Variants in PALM2AKAP2 observed in about 807,000 individuals in gnomAD.
PALM2AKAP2 encodes PALM2-AKAP2 fusion protein.
Under a neutral mutation model 71.5 loss-of-function variants are expected in PALM2AKAP2, and 37 were observed. That is an observed-to-expected ratio of 0.52 (90% confidence interval 0.40 to 0.68). The LOEUF (loss-of-function observed/expected upper bound fraction) is 0.68. PALM2AKAP2 is among the 30% of genes least tolerant of loss of function. The pLI is 0.00. For synonymous variants in PALM2AKAP2, 468 were observed against 478.8 expected (o/e 0.98, Z 0.29); for missense variants, 1,224 against 1,191.8 (o/e 1.03, Z -0.40).
chr9:109,791,027 C>T (rs1827098835), intron 1 of PALM2AKAP2, among the ~76,000 whole-genome samples: 1 of 152,172 alleles, frequency 6.6e-6, no homozygotes, highest in African/African-American at 2.4e-5. Context: ...TCAAATAAAA[C>T]TCACCACAAA....
chr9:109,883,198 A>G (rs967822779), intron 3 of PALM2AKAP2, among the ~76,000 whole-genome samples: 1 of 152,188 alleles, frequency 6.6e-6, no homozygotes, highest in Non-Finnish European at 1.5e-5. Flanking sequence ...GATTATACTC[A>G]AAGAAAAGTT....
chr9:110,048,675 G>A (rs1434746995), upstream of PALM2AKAP2: 2 of 1,508,922 alleles, frequency 1.3e-6, no homozygotes, highest in Admixed American at 2.1e-5. Flanking sequence ...CCTCCAGCGC[G>A]CCCGGAGGCT....
At chr9:109,769,059 GT>G (rs1317702914) in intron 1 of PALM2AKAP2, among the ~76,000 whole-genome samples, 1 of 152,072 alleles carries the variant, frequency 6.6e-6, no homozygotes, top group Non-Finnish European at 1.5e-5. Flanking sequence ...AAACTTTCAA[GT>G]TTTTACTTGC....
chr9:110,134,630 T>TC (rs1406829947), intron 1 of PALM2AKAP2, among the ~76,000 whole-genome samples: 1 of 152,188 alleles, frequency 6.6e-6, no homozygotes, highest in Non-Finnish European at 1.5e-5. Flanking sequence ...CAGTGTTTTC[T>TC]TAGGTCTCAA....
chr9:109,755,283 T>C (rs1040096495), intron 1 of PALM2AKAP2, among the ~76,000 whole-genome samples: 4 of 152,122 alleles, frequency 2.6e-5, no homozygotes, highest in Admixed American at 6.6e-5. Context: ...CAAGGCTCTT[T>C]ATAACTGGTC....
chr9:109,862,491 G>T (rs1829339220), intron 1 of PALM2AKAP2, among the ~76,000 whole-genome samples: 1 of 148,040 alleles, frequency 6.8e-6, no homozygotes, highest in Non-Finnish European at 1.5e-5. Context: ...AATCCTAGTG[G>T]TATGTTTTTT....
intron 3 of PALM2AKAP2, among the ~76,000 whole-genome samples, chr9:110,165,752 C>T (rs1315965492): frequency 2.0e-5 from 3 of 152,136 alleles, no homozygotes; most frequent in African/African-American, 7.2e-5. Flanking sequence ...TCACTAAACT[C>T]CATGAGGGAA....
intron 6 of PALM2AKAP2, among the ~76,000 whole-genome samples, chr9:109,975,529 A>G (rs1278570015): frequency 6.6e-6 from 1 of 152,224 alleles, no homozygotes; most frequent in East Asian, 1.9e-4. Context: ...ATGTTTTACC[A>G]TCTATCTAGC....
At chr9:109,669,465 G>A (rs1182197582) in intron 1 of PALM2AKAP2, among the ~76,000 whole-genome samples, 3 of 151,914 alleles carry the variant, frequency 2.0e-5, no homozygotes, top group Non-Finnish European at 2.9e-5. Context: ...CATAAAACTA[G>A]CTGGAATGGG....
intron 1 of PALM2AKAP2, among the ~76,000 whole-genome samples, chr9:110,107,248 G>T (rs1835140428): frequency 6.6e-6 from 1 of 152,174 alleles, no homozygotes; most frequent in Non-Finnish European, 1.5e-5. Context: ...GGCACTGAAT[G>T]TTCCCCACAC....
chr9:109,969,350 G>T (rs771015975), intron 6 of PALM2AKAP2, among the ~76,000 whole-genome samples: 4 of 152,184 alleles, frequency 2.6e-5, no homozygotes, highest in African/African-American at 9.7e-5. Flanking sequence ...CTCCCGCTCT[G>T]TCCTAACCTT....
chr9:109,684,684 C>G (rs1041587183), intron 1 of PALM2AKAP2, among the ~76,000 whole-genome samples: 2 of 152,170 alleles, frequency 1.3e-5, no homozygotes, highest in Non-Finnish European at 2.9e-5. Flanking sequence ...AAAACACACA[C>G]AAAATAAAAC....
rs142953782 is a variant in PALM2AKAP2 at position 109,898,589 on chromosome 9, A to G, written c.257+17908A>G. ...GAATTATTGCACTTTTAAGAAATCA[A>G]TCTGAAGATTAAACATTAGGAGTCT... is the stretch of plus-strand genomic sequence containing the variant. On this transcript the variant is annotated intron_variant, in intron 3 of 9. Coordinates refer to the PALM2AKAP2 transcript ENST00000302798. Among the ~76,000 whole-genome samples the G allele has an allele frequency of 1.2e-3, 189 of 152,346 alleles. 2 individuals carry two copies. Among genetic ancestry groups the G allele is most frequent in the African/African-American group, 4.3e-3 (178 of 41,582 alleles).
At position 109,960,072 on chromosome 9, in the gene PALM2AKAP2, AC is replaced by A. The variant is rs1831825496; in HGVS notation, c.496+28045del. 2.6e-5 allele frequency among the ~76,000 whole-genome samples: 4 copies of A among 152,154 alleles called. No homozygotes were observed. The South Asian group carries it at 8.3e-4, about 32-fold the overall frequency. On this transcript the variant is annotated intron_variant, in intron 6 of 9. Transcript: ENST00000302798. ...CCCCCTCCGCGAAACCTTAGTTCCC[AC>A]TGATTCCCAACATAAATTTTTCTTT...
chr9:109,641,290 G>A (rs1297781479), intron 1 of PALM2AKAP2, among the ~76,000 whole-genome samples: 1 of 152,214 alleles, frequency 6.6e-6, no homozygotes, highest in Admixed American at 6.5e-5. Flanking sequence ...AAGCAAACGC[G>A]GTTCAGTGTG....
At chr9:110,071,877 T>A (rs1834215127) in intron 1 of PALM2AKAP2, among the ~76,000 whole-genome samples, 1 of 152,188 alleles carries the variant, frequency 6.6e-6, no homozygotes. Context: ...GTAGGACTTG[T>A]TCATATATGT....
intron 3 of PALM2AKAP2, among the ~76,000 whole-genome samples, chr9:110,166,668 T>A (rs1400975777): frequency 6.6e-6 from 1 of 152,170 alleles, no homozygotes; most frequent in African/African-American, 2.4e-5. Context: ...TAACAATGCA[T>A]CATTCATTCA....
intron 5 of PALM2AKAP2, among the ~76,000 whole-genome samples, chr9:109,926,337 A>T (rs1830955675): frequency 6.6e-6 from 1 of 152,170 alleles, no homozygotes; most frequent in African/African-American, 2.4e-5. Context: ...ATCTTTAGGA[A>T]GGTACTAAAT....
At chr9:110,015,058 T>C (rs1402859227) in intron 6 of PALM2AKAP2, among the ~76,000 whole-genome samples, 4 of 151,858 alleles carry the variant, frequency 2.6e-5, no homozygotes, top group African/African-American at 9.7e-5. Flanking sequence ...TGTCCACTCT[T>C]GGAGACAATC....
Sources: allele counts gnomAD v4.1 joint callset (sites outside exome capture counted in the v4.1 genomes callset), GRCh38; gene constraint gnomAD v4.1.1; transcripts MANE v1.5; gene names NCBI Gene and HGNC (gene_info 2026-07-23, HGNC 2026-07-21).